The following KIRREL3 variants were observed in gnomAD, a reference collection of about 807,000 sequenced individuals.
The protein encoded by KIRREL3 is kin of IRRE-like protein 3.
In KIRREL3, 36 loss-of-function variants were observed where a neutral mutation model predicts 89.7. The observed-to-expected ratio is 0.40, with a 90% CI of 0.31 to 0.53. The LOEUF (loss-of-function observed/expected upper bound fraction) is 0.53. Among genes scored for constraint, KIRREL3 ranks in the 20% least tolerant of loss-of-function variants. The pLI, the probability that KIRREL3 is intolerant of heterozygous loss-of-function variation, is 0.49. For synonymous variants in KIRREL3, 445 were observed against 441.4 expected (o/e 1.01, Z -0.10); for missense variants, 864 against 1,056.6 (o/e 0.82, Z 2.53).
In KIRREL3 at chr11:126,778,587, T is replaced by C. The variant is rs1565724190; in HGVS notation, c.56-215675A>G. On this transcript the variant is annotated intron_variant, in intron 1 of 16. Coordinates refer to ENST00000525144, the MANE Select transcript of KIRREL3 (RefSeq NM_032531.4). This position sits in a 1 kb window ranked among gnomAD's most constrained non-coding sequence, Gnocchi z 4.5. Reference sequence around the variant, plus strand: ...CTGAAATCTTTGCACACATCCCAGATTTTTCCTTCGTTTGAATTTCTAGAA... The same window carrying C: ...CTGAAATCTTTGCACACATCCCAGACTTTTCCTTCGTTTGAATTTCTAGAA... 6.6e-6 allele frequency among the ~76,000 whole-genome samples: 1 copy of C among 152,200 alleles called. No homozygotes were observed. Among genetic ancestry groups the C allele is most frequent in the Non-Finnish European group, 1.5e-5 (1 of 68,038 alleles).
rs528093486 is a variant in KIRREL3, at chr11:126,877,428, C to A, written c.55+123027G>T. On this transcript the variant is annotated intron_variant, in intron 1 of 16. Transcript: ENST00000525144. The surrounding 1 kb of genome is among the most constrained non-coding windows in gnomAD (Gnocchi z 4.9). ...GATCATTTGGTCTCTGAAACCCAAG[C>A]AGTCTGTAGTGAAAGTCTGCAATCC... Among the ~76,000 whole-genome samples the A allele has an allele frequency of 6.2e-4, 94 of 152,336 alleles. No homozygotes were observed. The highest frequency in any genetic ancestry group is 2.1e-3 in the African/African-American group (88 of 41,574).
intron 1 of KIRREL3, among the ~76,000 whole-genome samples, chr11:126,963,931 T>C (rs998235169): frequency 9.9e-5 from 15 of 152,132 alleles, no homozygotes; most frequent in African/African-American, 4.8e-5. Context: ...CCTGCACTTG[T>C]CCATAACGGA....
At chr11:126,451,286 G>GTGTGTGCATGTGTGCA (rs1254120515) in intron 7 of KIRREL3, among the ~76,000 whole-genome samples, 16 of 145,186 alleles carry the variant, frequency 1.1e-4, no homozygotes, top group African/African-American at 4.1e-4. Flanking sequence ...GCATGTGTGC[G>GTGTGTGCATGTGTGCA]TGTGTGCATG....
chr11:126,521,684 G>C lies in KIRREL3; in HGVS notation c.284-220C>G, dbSNP rs57465348. 0.062 allele frequency among the ~76,000 whole-genome samples: 218 copies of C among 3,518 alleles called. No individual in the cohort carries two copies. Among genetic ancestry groups the C allele is most frequent in the African/African-American group, 0.26 (200 of 770 alleles). The allele number at this position is 3,518 out of a possible 152,430, so 2.3% of individuals were successfully genotyped here. On this transcript the variant is annotated intron_variant, in intron 3 of 16. Coordinates refer to ENST00000525144, the MANE Select transcript of KIRREL3 (RefSeq NM_032531.4). The surrounding 1 kb of genome is among the most constrained non-coding windows in gnomAD (Gnocchi z 4.1). ...TCTCTCTCTCTCTCTGTATGTGTGT[G>C]TGTGTGTGTGTGTGTGTGTGTGTGT...
rs112884108 is a variant in KIRREL3, at chr11:126,693,424, C to CACAA, written c.56-130516_56-130513dup. On this transcript the variant is annotated intron_variant, in intron 1 of 16. Transcript: ENST00000525144. The stretch of plus-strand genomic sequence containing the variant: ...TGACAGAGTGAGACTCTGTCTCAAA[C>CACAA]ACAAACAAACAAACAAACAAAAAAA... Among the ~76,000 whole-genome samples, 353 of 152,066 alleles carry CACAA rather than the reference C, an allele frequency of 2.3e-3. 2 individuals carry two copies. Among genetic ancestry groups the CACAA allele is most frequent in the African/African-American group, 7.8e-3 (325 of 41,500 alleles).
intron 1 of KIRREL3, among the ~76,000 whole-genome samples, chr11:126,637,494 C>A (rs1438920380): frequency 6.6e-6 from 1 of 152,200 alleles, no homozygotes; most frequent in Non-Finnish European, 1.5e-5. Flanking sequence ...GCTCAAGCCT[C>A]TGCCTATTTG....
rs1252245131 is a variant in KIRREL3 at position 126,734,020 on chromosome 11, G to A, written c.56-171108C>T. On this transcript the variant is annotated intron_variant, in intron 1 of 16. Coordinates refer to ENST00000525144, the MANE Select transcript of KIRREL3 (RefSeq NM_032531.4). This position sits in a 1 kb window ranked among gnomAD's most constrained non-coding sequence, Gnocchi z 5.9. ...GGGAAGCAGCCCAGAAGAGGTCAGC[G>A]TCTGCCTCTCAAGGTGTGGGCTGTC... is the stretch of plus-strand genomic sequence containing the variant. Among the ~76,000 whole-genome samples the A allele has an allele frequency of 2.0e-5, 3 of 152,176 alleles. No homozygotes were observed. The highest frequency in any genetic ancestry group is 7.2e-5 in the African/African-American group (3 of 41,436).
rs974527415 is a variant in KIRREL3 at position 126,501,973 on chromosome 11, T to C, written c.433+19342A>G. ...AAGGGAGCAGCCATTACATAATTGTTTGCAAGCAGGCAAACAGGCATAAAC... is the reference window on the plus strand; with the variant it reads ...AAGGGAGCAGCCATTACATAATTGTCTGCAAGCAGGCAAACAGGCATAAAC... On this transcript the variant is annotated intron_variant, in intron 4 of 16. Transcript: ENST00000525144. The surrounding 1 kb of genome is among the most constrained non-coding windows in gnomAD (Gnocchi z 5.8). Among the ~76,000 whole-genome samples the C allele has an allele frequency of 6.6e-6, 1 of 152,138 alleles. No individual in the cohort carries two copies. The highest frequency in any genetic ancestry group is 1.5e-5 in the Non-Finnish European group (1 of 68,034).
intron 1 of KIRREL3, among the ~76,000 whole-genome samples, chr11:126,603,554 CCTG>C (rs1942755533): frequency 6.6e-6 from 1 of 152,252 alleles, no homozygotes; most frequent in African/African-American, 2.4e-5. Flanking sequence ...GTCCTCACCT[CCTG>C]ACCCTGTCTC....
chr11:126,495,452 C>CTG lies in KIRREL3; in HGVS notation c.434-21988_434-21987dup, dbSNP rs1957631543. Among the ~76,000 whole-genome samples, 1 of 152,158 alleles carries CTG rather than the reference C, an allele frequency of 6.6e-6. No homozygotes were observed. The highest frequency in any genetic ancestry group is 2.4e-5 in the African/African-American group (1 of 41,436). ...TCTCCCCAAAGCCTCCCTCGACTGT[C>CTG]TGTGTTCCTCGTCTCCGCTCATCCT... On this transcript the variant is annotated intron_variant, in intron 4 of 16. Coordinates refer to ENST00000525144, the MANE Select transcript of KIRREL3 (RefSeq NM_032531.4). The surrounding 1 kb of genome is among the most constrained non-coding windows in gnomAD (Gnocchi z 6.5).
In KIRREL3 at chr11:126,587,475, C is replaced by T. The variant is rs1271218676; in HGVS notation, c.56-24563G>A. The stretch of plus-strand genomic sequence containing the variant: ...GTCATGGAGCCATCACATTCCCAAA[C>T]CCACAGCGCTTCCCTCTCACCAACC... On this transcript the variant is annotated intron_variant, in intron 1 of 16. Coordinates refer to ENST00000525144, the MANE Select transcript of KIRREL3 (RefSeq NM_032531.4). The surrounding 1 kb of genome is among the most constrained non-coding windows in gnomAD (Gnocchi z 5.2). Among the ~76,000 whole-genome samples the T allele has an allele frequency of 2.0e-5, 3 of 152,152 alleles. No homozygotes were observed.
In KIRREL3 at chr11:126,710,049, G is replaced by T. The variant is rs956818345; in HGVS notation, c.56-147137C>A. Reference sequence around the variant, plus strand: ...AGAGATATAAGATCCAAAGTTCAGGGTGGAAAGAAATGTCCCTAGGAGACA... The same window carrying T: ...AGAGATATAAGATCCAAAGTTCAGGTTGGAAAGAAATGTCCCTAGGAGACA... On this transcript the variant is annotated intron_variant, in intron 1 of 16. Coordinates refer to ENST00000525144, the MANE Select transcript of KIRREL3 (RefSeq NM_032531.4). This position sits in a 1 kb window ranked among gnomAD's most constrained non-coding sequence, Gnocchi z 4.2. Among the ~76,000 whole-genome samples, 21 of 152,218 alleles carry T rather than the reference G, an allele frequency of 1.4e-4. No individual in the cohort carries two copies. Among genetic ancestry groups the T allele is most frequent in the African/African-American group, 4.8e-4 (20 of 41,458 alleles).
rs1401251647 is a variant in KIRREL3, at chr11:126,607,119, C to T, written c.56-44207G>A. Among the ~76,000 whole-genome samples the T allele has an allele frequency of 6.6e-6, 1 of 152,154 alleles. No individual in the cohort carries two copies. Among genetic ancestry groups the T allele is most frequent in the African/African-American group, 2.4e-5 (1 of 41,438 alleles). ...GGCTTGTCGTGGGGCTTATGAGTAG[C>T]TAGGGCCTCCCAGGAGGTCGTCAGA... On this transcript the variant is annotated intron_variant, in intron 1 of 16. Transcript: ENST00000525144. The surrounding 1 kb of genome is among the most constrained non-coding windows in gnomAD (Gnocchi z 6.6).
intron 1 of KIRREL3, among the ~76,000 whole-genome samples, chr11:126,998,916 AGTGTGTGT>A (rs10561880): frequency 0.031 from 4,374 of 141,316 alleles, 86 homozygotes; most frequent in Non-Finnish European, 0.042. Flanking sequence ...GACGAATGGG[AGTGTGTGT>A]GTGTGTGTGT....
intron 2 of KIRREL3, among the ~76,000 whole-genome samples, chr11:126,538,029 C>G (rs1456579984): frequency 6.6e-6 from 1 of 151,366 alleles, no homozygotes; most frequent in African/African-American, 2.4e-5. Flanking sequence ...ACTGTTAAAA[C>G]AGGGGCCAGA....
At chr11:126,753,176 G>C (rs1052745171) in intron 1 of KIRREL3, among the ~76,000 whole-genome samples, 1 of 152,170 alleles carries the variant, frequency 6.6e-6, no homozygotes. Context: ...GTTCCCCAGG[G>C]CATGAAATCT....
At chr11:126,922,121 GTCTA>G (rs60938174) in intron 1 of KIRREL3, among the ~76,000 whole-genome samples, 33,653 of 139,266 alleles carry the variant, frequency 0.24, 4,038 homozygotes, top group Middle Eastern at 0.29. Flanking sequence ...CTATCTGTCT[GTCTA>G]TCTATCTATC....
chr11:126,733,096 T>C (rs1214070300), intron 1 of KIRREL3, among the ~76,000 whole-genome samples: 1 of 152,238 alleles, frequency 6.6e-6, no homozygotes, highest in African/African-American at 2.4e-5. Context: ...AACCCTCCAA[T>C]TCAAAAGTGT....
chr11:126,749,145 C>T lies in KIRREL3; in HGVS notation c.56-186233G>A, dbSNP rs190506927. Among the ~76,000 whole-genome samples the T allele has an allele frequency of 5.3e-5, 8 of 152,318 alleles. No individual in the cohort carries two copies. In the East Asian group the frequency reaches 1.4e-3, roughly 26 times the overall value. On this transcript the variant is annotated intron_variant, in intron 1 of 16. Coordinates refer to ENST00000525144, the MANE Select transcript of KIRREL3 (RefSeq NM_032531.4). ...CTTTCCATCTCCCGCTCCAAGTTGA[C>T]GGCTATGGCACCTTGTCCTCCCTGC...
Sources: allele counts gnomAD v4.1 joint callset (sites outside exome capture counted in the v4.1 genomes callset), GRCh38; gene constraint gnomAD v4.1.1; non-coding constraint Gnocchi (gnomAD v3.1); transcripts MANE v1.5; gene names NCBI Gene and HGNC (gene_info 2026-07-23, HGNC 2026-07-21).